Variants in ABCA5 observed in about 807,000 individuals in gnomAD.
The protein encoded by ABCA5 is cholesterol transporter ABCA5.
In ABCA5, 163 loss-of-function variants were observed where a neutral mutation model predicts 206.0. The ratio of observed to expected loss-of-function variants is 0.79; its 90% confidence interval spans 0.70 to 0.90. The LOEUF (loss-of-function observed/expected upper bound fraction) is 0.90. ABCA5 is among the 40% of genes least tolerant of loss of function. The pLI is 0.00. For synonymous variants in ABCA5, 609 were observed against 613.8 expected (o/e 0.99, Z 0.11); for missense variants, 1,859 against 1,912.9 (o/e 0.97, Z 0.53).
At chr17:69,301,733 T>G (rs2075654297) in intron 8 of ABCA5, among the ~76,000 whole-genome samples, 2 of 152,206 alleles carry the variant, frequency 1.3e-5, no homozygotes. Flanking sequence ...ATTAACACAA[T>G]TATTAAAGTA....
rs951625796 is a variant in ABCA5 at position 69,285,796 on chromosome 17, T to C, written c.2272+102A>G. ...TATTAACTCTGGCCACCTGGGAGCA[T>C]GGCAATACTACATGGAGAAGGAAAC... On this transcript the variant is annotated intron_variant, in intron 17 of 38. Transcript: ENST00000392676. 22 of 1,235,468 alleles carry C rather than the reference T, an allele frequency of 1.8e-5. No individual in the cohort carries two copies. The African/African-American group carries it at 2.5e-4, about 14-fold the overall frequency. 76.5% of individuals were successfully genotyped at this position (1,235,468 alleles called of 1,614,324 possible).
chr17:69,259,555 G>T, intron 28 of ABCA5, 151 bp downstream of exon 28: 2 of 486,760 alleles, frequency 4.1e-6, no homozygotes, highest in Non-Finnish European at 7.3e-6. Flanking sequence ...AAGACTGGGA[G>T]CTATGGGAAT....
chr17:69,325,035 A>T (rs1389142782), intron 1 of ABCA5, among the ~76,000 whole-genome samples: 2 of 152,048 alleles, frequency 1.3e-5, no homozygotes, highest in Non-Finnish European at 2.9e-5. Context: ...TAATAAAACA[A>T]AATGCAGTCA....
intron 34 of ABCA5, among the ~76,000 whole-genome samples, chr17:69,252,261 C>T (rs897160758): frequency 3.9e-5 from 6 of 152,064 alleles, no homozygotes; most frequent in Non-Finnish European, 4.4e-5. Context: ...TGGTCTGCTG[C>T]CTCAGCCTCC....
At position 69,273,145 on chromosome 17, in the gene ABCA5, A is replaced by C. The variant is rs568354063; in HGVS notation, c.2764+814T>G. ...TGACAACTACATGGTAAGAATACTA[A>C]TAGCAAAGCCAAAAATATCCATTAC... On this transcript the variant is annotated intron_variant, in intron 20 of 38. Transcript: ENST00000392676. 2.8e-3 allele frequency among the ~76,000 whole-genome samples: 429 copies of C among 152,278 alleles called. 3 individuals are homozygous for C. The highest frequency in any genetic ancestry group is 2.3e-3 in the Non-Finnish European group (154 of 68,000).
chr17:69,256,287 C>A lies in ABCA5; in HGVS notation c.3732-4G>T. On this transcript the variant is annotated splice_polypyrimidine_tract_variant and splice_region_variant and intron_variant, in intron 28 of 38. Coordinates refer to ENST00000392676, the MANE Select transcript of ABCA5 (RefSeq NM_172232.4). ...TTTAGACTTCGTTGAAAGGTTTCTA[C>A]ATATATATAATAAATATAAAAGACA... 1 of 1,537,370 alleles carries A rather than the reference C, an allele frequency of 6.5e-7. No homozygotes were observed. The highest frequency in any genetic ancestry group is 1.4e-5 in the African/African-American group (1 of 71,680).
chr17:69,244,919 T>C lies in ABCA5; in HGVS notation c.*2618A>G, dbSNP rs1399060399. ...TTATATAAGTTATATAAGTAATATATTATATATATTTTATGTAAGTTATAT... is the reference window on the plus strand; with the variant it reads ...TTATATAAGTTATATAAGTAATATACTATATATATTTTATGTAAGTTATAT... On this transcript the variant is annotated 3_prime_UTR_variant, in exon 39 of 39. Coordinates refer to ENST00000392676, the MANE Select transcript of ABCA5 (RefSeq NM_172232.4). 1 of 149,172 alleles carries C rather than the reference T, an allele frequency of 6.7e-6. No individual in the cohort carries two copies. Among genetic ancestry groups the C allele is most frequent in the Non-Finnish European group, 1.5e-5 (1 of 67,296 alleles). 9.2% of individuals were successfully genotyped at this position (149,172 alleles called of 1,614,324 possible). A position where few individuals can be genotyped will look rare whatever the true frequency, so the allele number is the denominator to read the frequency against.
chr17:69,254,537 G>A (rs1390908788), intron 31 of ABCA5, 47 bp from the exon 32 acceptor site: 2 of 1,505,858 alleles, frequency 1.3e-6, no homozygotes, highest in Non-Finnish European at 1.8e-6. Flanking sequence ...AATTTACACT[G>A]TGAAGGAAGT....
chr17:69,301,239 C>T lies in ABCA5; in HGVS notation c.1167G>A (p.Leu389=), dbSNP rs1227693407. 5 of 1,600,164 alleles carry T rather than the reference C, an allele frequency of 3.1e-6. No homozygotes were observed. Among genetic ancestry groups the T allele is most frequent in the Non-Finnish European group, 3.4e-6 (4 of 1,176,660 alleles). The change falls in exon 9 of 39, where the codon TTG becomes TTA. Residue 389 remains leucine, a synonymous_variant. Coordinates refer to ENST00000392676, the MANE Select transcript of ABCA5 (RefSeq NM_172232.4). ...DFNEGASFSN[L]TAGPYPLIIT... is the part of the protein sequence containing the mutation. Reference sequence around the variant, plus strand: ...TAATTAGAGGATATGGGCCTGCAGTCAAATTTGAAAATGAAGCACCTTCAT... The same window carrying T: ...TAATTAGAGGATATGGGCCTGCAGTTAAATTTGAAAATGAAGCACCTTCAT...
intron 8 of ABCA5, 67 bp from the exon 9 acceptor site, chr17:69,301,353 T>G: frequency 7.2e-7 from 1 of 1,387,070 alleles, no homozygotes; most frequent in South Asian, 1.4e-5. Flanking sequence ...TAACACTACT[T>G]AAGAGTTATT....
At chr17:69,258,823 G>A (rs936804375) in intron 28 of ABCA5, among the ~76,000 whole-genome samples, 6 of 151,958 alleles carry the variant, frequency 3.9e-5, no homozygotes, top group African/African-American at 9.7e-5. Flanking sequence ...TGGACAGTTC[G>A]AAAAGACAAA....
chr17:69,265,007 A>G, intron 23 of ABCA5, 102 bp from the exon 24 acceptor site: 1 of 807,346 alleles, frequency 1.2e-6, no homozygotes, highest in East Asian at 3.2e-5. Flanking sequence ...CATCAGCAAA[A>G]CCAAAAAGGT....
At position 69,304,784 on chromosome 17, in the gene ABCA5, C is replaced by G. The variant is rs142041366; in HGVS notation, c.815G>C (p.Ser272Thr). 1.6e-4 allele frequency: 260 copies of G among 1,605,280 alleles called. No individual in the cohort carries two copies. The African/African-American group carries it at 2.7e-3, about 17-fold the overall frequency. Residue 272 changes from serine (S) to threonine (T), a missense_variant, in exon 7 of 39, where the codon AGT becomes ACT. Transcript: ENST00000392676. ...AAGAAGGGACATAAGAAAAATTAAA[C>G]TTGTATATAGAAGAACCCAGGAAAG... The part of the protein sequence containing the change: ...FWLSWVLLYT[S>T]LIFLMSLLMA...
At chr17:69,279,376 TAA>T (rs1355690200) in intron 18 of ABCA5, among the ~76,000 whole-genome samples, 1 of 152,058 alleles carries the variant, frequency 6.6e-6, no homozygotes, top group East Asian at 1.9e-4. Flanking sequence ...CTCAAGGAAA[TAA>T]AAGAGGATAC....
chr17:69,311,337 C>A (rs2075766231), intron 3 of ABCA5, among the ~76,000 whole-genome samples: 1 of 152,110 alleles, frequency 6.6e-6, no homozygotes, highest in Admixed American at 6.6e-5. Flanking sequence ...CAACATCCTA[C>A]CAGTCATGTT....
chr17:69,288,822 T>C lies in ABCA5; in HGVS notation c.1902+355A>G, dbSNP rs1262217501. Among the ~76,000 whole-genome samples, 3 of 151,956 alleles carry C rather than the reference T, an allele frequency of 2.0e-5. No homozygotes were observed. In the East Asian group the frequency reaches 5.8e-4, roughly 29 times the overall value. ...TAAAAGTAACCAGTTATCATAAAGA[T>C]GTTATAACTCAGAAAGGAAAGGGTG... On this transcript the variant is annotated intron_variant, in intron 14 of 38. Coordinates refer to ENST00000392676, the MANE Select transcript of ABCA5 (RefSeq NM_172232.4).
At chr17:69,278,314 A>G (rs915238285) in intron 18 of ABCA5, among the ~76,000 whole-genome samples, 1 of 152,228 alleles carries the variant, frequency 6.6e-6, no homozygotes, top group Admixed American at 6.5e-5. Context: ...CTGTATCTGT[A>G]TAATATCCAA....
At chr17:69,268,996 A>G (rs1035830521) in intron 22 of ABCA5, 2 of 152,254 alleles carry the variant, frequency 1.3e-5, no homozygotes, top group Non-Finnish European at 2.9e-5. Context: ...AGAAGTGGAA[A>G]TGAATGAGAC....
chr17:69,293,833 G>GGT (rs61315865), intron 11 of ABCA5, among the ~76,000 whole-genome samples: 12,130 of 122,250 alleles, frequency 0.099, 454 homozygotes, highest in Non-Finnish European at 0.12. Context: ...CAATCATACT[G>GGT]GTGTGTGTGT....
Sources: allele counts gnomAD v4.1 joint callset (sites outside exome capture counted in the v4.1 genomes callset), GRCh38; gene constraint gnomAD v4.1.1; transcripts MANE v1.5; gene names NCBI Gene and HGNC (gene_info 2026-07-23, HGNC 2026-07-21).